Variants in NSF observed in about 807,000 individuals in gnomAD.
NSF encodes vesicle-fusing ATPase.
In NSF, 14 loss-of-function variants were observed where a neutral mutation model predicts 50.3. The observed-to-expected ratio is 0.28, with a 90% confidence interval of 0.18 to 0.44. The LOEUF (loss-of-function observed/expected upper bound fraction) is 0.44, where lower values mean the gene tolerates loss of function less well. NSF is among the 20% of genes least tolerant of loss of function. The pLI is 1.00. For synonymous variants in NSF, 109 were observed against 175.7 expected, an observed-to-expected ratio of 0.62 and a Z score of 3.00; for missense variants, 218 against 504.3, an observed-to-expected ratio of 0.43 and a Z score of 5.44.
At chr17:46,721,192 T>C (rs1392670015) in intron 15 of NSF, among the ~76,000 whole-genome samples, 3 of 152,200 alleles carry the variant, frequency 2.0e-5, no homozygotes, top group Non-Finnish European at 4.4e-5. Flanking sequence ...CTGGGTTGTC[T>C]CTCATACCCC....
chr17:46,708,158 G>T (rs1168134468), intron 13 of NSF, among the ~76,000 whole-genome samples: 2 of 152,096 alleles, frequency 1.3e-5, no homozygotes, highest in African/African-American at 4.8e-5. Flanking sequence ...TAGCATGGCT[G>T]TACAGATATC....
At position 46,622,375 on chromosome 17, in the gene NSF, G is replaced by A. The variant is rs534569210; in HGVS notation, c.13-1869G>A. 1.7e-3 allele frequency among the ~76,000 whole-genome samples: 251 copies of A among 150,126 alleles called. 1 individual carries two copies. Among genetic ancestry groups the A allele is most frequent in the Admixed American group, 3.9e-3 (59 of 15,082 alleles). ...TGGGAGGCTGAGGCAGGAGAATGGC[G>A]TGAACCCGGGAGGCGGAGCTTGCAG... On this transcript the variant is annotated intron_variant, in intron 1 of 20. Coordinates refer to ENST00000398238, the MANE Select transcript of NSF (RefSeq NM_006178.4).
chr17:46,709,645 C>G (rs1313987028), intron 13 of NSF, among the ~76,000 whole-genome samples: 2 of 152,038 alleles, frequency 1.3e-5, no homozygotes, highest in Non-Finnish European at 2.9e-5. Flanking sequence ...CAGGCACACA[C>G]CACCACACCC....
chr17:46,751,968 G>T (rs1453344804), intron 19 of NSF, among the ~76,000 whole-genome samples: 1 of 152,192 alleles, frequency 6.6e-6, no homozygotes, highest in African/African-American at 2.4e-5. Flanking sequence ...AATTATCCAA[G>T]ATCACATCAC....
intron 8 of NSF, among the ~76,000 whole-genome samples, chr17:46,662,898 T>C (rs1685952853): frequency 7.0e-6 from 1 of 142,838 alleles, no homozygotes; most frequent in African/African-American, 2.5e-5. Flanking sequence ...AGTCCTTTAA[T>C]GTAGGCCGAA....
At chr17:46,708,796 C>G (rs2058684535) in intron 13 of NSF, among the ~76,000 whole-genome samples, 1 of 97,482 alleles carries the variant, frequency 1.0e-5, no homozygotes, top group African/African-American at 3.7e-5. Flanking sequence ...ACTTGGCCAC[C>G]ATTTATTTTA....
chr17:46,730,547 G>C (rs1229042153), intron 17 of NSF, among the ~76,000 whole-genome samples: 1 of 152,114 alleles, frequency 6.6e-6, no homozygotes. Context: ...AATTGTTTCT[G>C]TGTTGTAAAA....
intron 1 of NSF, among the ~76,000 whole-genome samples, chr17:46,597,788 C>CTT (rs1162187499): frequency 1.8e-4 from 8 of 44,168 alleles, no homozygotes; most frequent in Non-Finnish European, 2.9e-4. Context: ...TTGCAATACT[C>CTT]TTTTTTTTTT....
intron 16 of NSF, 79 bp from the exon 17 acceptor site, chr17:46,728,773 CAAA>C (rs376923479): frequency 1.0e-4 from 74 of 721,374 alleles, no homozygotes; most frequent in Middle Eastern, 2.8e-4. Flanking sequence ...ACTTTTGATG[CAAA>C]AAAAAAAAAC....
intron 17 of NSF, among the ~76,000 whole-genome samples, chr17:46,746,269 T>C (rs1004688578): frequency 1.3e-5 from 2 of 152,214 alleles, no homozygotes; most frequent in Admixed American, 1.3e-4. Context: ...TATCTCATAT[T>C]CTATGCGCAG....
chr17:46,737,639 G>T (rs2059021285), intron 17 of NSF, among the ~76,000 whole-genome samples: 1 of 151,698 alleles, frequency 6.6e-6, no homozygotes, highest in South Asian at 2.1e-4. Flanking sequence ...TGGTGTCCCT[G>T]TCACAATCCA....
intron 13 of NSF, among the ~76,000 whole-genome samples, chr17:46,709,352 G>T (rs2058694751): frequency 6.6e-6 from 1 of 151,882 alleles, no homozygotes; most frequent in Admixed American, 6.6e-5. Context: ...AAAAAAAAAT[G>T]AAATTATGGG....
At chr17:46,708,653 G>A (rs975475914) in intron 13 of NSF, among the ~76,000 whole-genome samples, 5 of 149,358 alleles carry the variant, frequency 3.3e-5, no homozygotes, top group Non-Finnish European at 6.0e-5. Flanking sequence ...CACCATGCCC[G>A]GCTAATTTTT....
At chr17:46,717,982 T>C (rs970999351) in intron 15 of NSF, among the ~76,000 whole-genome samples, 4 of 152,200 alleles carry the variant, frequency 2.6e-5, no homozygotes, top group Non-Finnish European at 2.9e-5. Flanking sequence ...CCAGATCTAC[T>C]TGGGGCTAGT....
At chr17:46,749,442 T>C (rs1372167762) in intron 17 of NSF, among the ~76,000 whole-genome samples, 1 of 152,214 alleles carries the variant, frequency 6.6e-6, no homozygotes, top group African/African-American at 2.4e-5. Flanking sequence ...ATTCCCACCA[T>C]ACATGTGCCA....
rs758887741 is a variant in NSF, at chr17:46,749,878, A to T, written c.2014A>T (p.Thr672Ser). Residue 672 changes from threonine (T) to serine (S), a missense_variant, in exon 18 of 21, where the codon ACA (threonine) becomes TCA (serine). Around this residue, in one of 2 missense-constraint regions of NSF, gnomAD observed 209 missense variants for 320.9 expected, o/e 0.65. Transcript: ENST00000398238. ...CACCATCCACGTGCCCAACATTGCC[A>T]CAGGAGAGCAGCTGTTGGAAGCTTT... Reference protein sequence around the residue: ...STTIHVPNIATGEQLLEALEL... With the variant: ...STTIHVPNIASGEQLLEALEL... The T allele has an allele frequency of 4.3e-6, 7 of 1,614,128 alleles. No individual in the cohort carries two copies. The South Asian group carries it at 7.7e-5, about 18-fold the overall frequency.
intron 17 of NSF, among the ~76,000 whole-genome samples, chr17:46,730,916 A>G (rs2058942378): frequency 6.6e-6 from 1 of 152,180 alleles, no homozygotes; most frequent in African/African-American, 2.4e-5. Flanking sequence ...GGTAATGACA[A>G]GCGCTGGTGC....
Position 46,713,888 on chromosome 17 carries a change from A to G in NSF, c.1663A>G (p.Lys555Glu), listed in dbSNP as rs764044320. Residue 555 changes from lysine to glutamate, a missense_variant, in exon 15 of 21, where the codon AAA becomes GAA. Physicochemically the swap from Lys to Glu is moderately conservative, Grantham distance 56. Around this residue, in one of 2 missense-constraint regions of NSF, gnomAD observed 209 missense variants for 320.9 expected, o/e 0.65. Coordinates refer to ENST00000398238, the MANE Select transcript of NSF (RefSeq NM_006178.4). ...PHSGKTALAA[K>E]IAEESNFPFI... ...CAGTGGGAAGACTGCTTTAGCTGCA[A>G]AAATTGCAGAGGAATCCAACTTCCC... 3.1e-6 allele frequency: 5 copies of G among 1,612,618 alleles called. No homozygotes were observed. The highest frequency in any genetic ancestry group is 4.2e-6 in the Non-Finnish European group (5 of 1,179,654).
intron 17 of NSF, among the ~76,000 whole-genome samples, chr17:46,731,052 T>C (rs2058943908): frequency 6.6e-6 from 1 of 152,098 alleles, no homozygotes; most frequent in Non-Finnish European, 1.5e-5. Context: ...GAAAAACATA[T>C]GTCCACATGA....
Sources: gnomAD v4.1 joint callset for allele counts (sites outside exome capture counted in the v4.1 genomes callset) on GRCh38, gnomAD v4.1.1 for gene constraint, gnomAD v4.1.1 regional missense constraint, MANE v1.5 for transcripts, NCBI Gene and HGNC (gene_info 2026-07-23, HGNC 2026-07-21) for gene names.